WDR70: variants seen among roughly 807,000 people sequenced by gnomAD.
WDR70 encodes WD repeat domain 70.
Under a neutral mutation model 88.6 loss-of-function variants are expected in WDR70, and 53 were observed. That is an observed-to-expected ratio of 0.60 (90% CI 0.48 to 0.75). The LOEUF is 0.75. Ranked by LOEUF, WDR70 falls within the 30% of genes least tolerant of loss-of-function variation. WDR70 has a pLI of 0.00. For synonymous variants in WDR70, 280 were observed against 270.0 expected (o/e 1.04, Z -0.36); for missense variants, 610 against 823.2 (o/e 0.74, Z 3.17).
At chr5:37,426,074 T>A (rs1364703586) in intron 5 of WDR70, among the ~76,000 whole-genome samples, 1 of 152,036 alleles carries the variant, frequency 6.6e-6, no homozygotes, top group African/African-American at 2.4e-5. Flanking sequence ...GCTCTGACAA[T>A]GAACAAGATG....
At chr5:37,564,622 C>T (rs1742682991) in intron 9 of WDR70, among the ~76,000 whole-genome samples, 1 of 128,362 alleles carries the variant, frequency 7.8e-6, no homozygotes, top group Non-Finnish European at 1.8e-5. Flanking sequence ...GCTTAATTCT[C>T]TTATCCATCA....
chr5:37,644,757 T>G (rs1453722636), intron 10 of WDR70, among the ~76,000 whole-genome samples: 1 of 152,012 alleles, frequency 6.6e-6, no homozygotes, highest in Non-Finnish European at 1.5e-5. Context: ...TCCAATTTAT[T>G]ATATAATTGC....
intron 17 of WDR70, among the ~76,000 whole-genome samples, chr5:37,734,896 T>C (rs936615590): frequency 3.9e-5 from 6 of 152,206 alleles, no homozygotes; most frequent in Admixed American, 3.9e-4. Flanking sequence ...CTGGCATCTT[T>C]GATACGACCG....
intron 9 of WDR70, among the ~76,000 whole-genome samples, chr5:37,568,579 T>A (rs1417513264): frequency 1.3e-5 from 2 of 152,202 alleles, no homozygotes; most frequent in Non-Finnish European, 2.9e-5. Flanking sequence ...GATCATGGCA[T>A]GTTTTTTACA....
chr5:37,722,816 G>C (rs1747861306), intron 14 of WDR70, 39 bp from the exon 15 acceptor site: 3 of 1,596,328 alleles, frequency 1.9e-6, no homozygotes, highest in Non-Finnish European at 2.6e-6. Context: ...CTGTTTCTAA[G>C]ACCAAGTAAA....
chr5:37,503,386 A>G (rs1158808996), intron 8 of WDR70, among the ~76,000 whole-genome samples: 1 of 152,090 alleles, frequency 6.6e-6, no homozygotes, highest in Non-Finnish European at 1.5e-5. Flanking sequence ...CCTAGTACCC[A>G]CTAGTTGTAT....
At chr5:37,399,379 C>T (rs1012479690) in intron 5 of WDR70, among the ~76,000 whole-genome samples, 1 of 152,174 alleles carries the variant, frequency 6.6e-6, no homozygotes, top group African/African-American at 2.4e-5. Flanking sequence ...CAAGATTGCA[C>T]CACTGCACTC....
intron 5 of WDR70, among the ~76,000 whole-genome samples, chr5:37,437,045 C>T (rs2112036558): frequency 6.6e-6 from 1 of 152,138 alleles, no homozygotes; most frequent in African/African-American, 2.4e-5. Flanking sequence ...CTTTACTGTC[C>T]CTCAGTTGTT....
intron 10 of WDR70, among the ~76,000 whole-genome samples, chr5:37,670,897 T>A (rs570592185): frequency 1.3e-5 from 2 of 152,198 alleles, no homozygotes; most frequent in South Asian, 4.1e-4. Context: ...TAAATATTAG[T>A]TGAATTTATA....
intron 9 of WDR70, among the ~76,000 whole-genome samples, chr5:37,526,163 T>G (rs1042727992): frequency 1.4e-4 from 21 of 152,166 alleles, no homozygotes; most frequent in African/African-American, 4.6e-4. Context: ...TAGCAAAGCC[T>G]GGCAGAGACA....
At chr5:37,503,996 A>G (rs764524598) in intron 8 of WDR70, among the ~76,000 whole-genome samples, 1 of 152,122 alleles carries the variant, frequency 6.6e-6, no homozygotes, top group Non-Finnish European at 1.5e-5. Context: ...AGTGTTGTAC[A>G]TGAGAGCTTT....
intron 9 of WDR70, among the ~76,000 whole-genome samples, chr5:37,583,378 G>A (rs1306974817): frequency 1.3e-5 from 2 of 148,906 alleles, no homozygotes; most frequent in South Asian, 4.2e-4. Flanking sequence ...CCGAGATGGC[G>A]CCACTGCACT....
chr5:37,474,541 A>G (rs756347573), intron 7 of WDR70, among the ~76,000 whole-genome samples: 1 of 152,092 alleles, frequency 6.6e-6, no homozygotes, highest in Non-Finnish European at 1.5e-5. Context: ...AGATTTCCCC[A>G]TTTGTTATTA....
chr5:37,379,711 T>G (rs1228887707), intron 2 of WDR70, among the ~76,000 whole-genome samples, 157 bp downstream of exon 2: 1 of 151,688 alleles, frequency 6.6e-6, no homozygotes, highest in South Asian at 2.1e-4. Context: ...TCTTCTATTC[T>G]GCGTTATCCG....
intron 9 of WDR70, among the ~76,000 whole-genome samples, chr5:37,554,435 C>G (rs1383894628): frequency 6.6e-6 from 1 of 151,956 alleles, no homozygotes; most frequent in African/African-American, 2.4e-5. Flanking sequence ...GGGGAGGCTT[C>G]ACAATGGAAA....
intron 7 of WDR70, among the ~76,000 whole-genome samples, chr5:37,461,822 T>G (rs573490671): frequency 1.3e-5 from 2 of 152,296 alleles, no homozygotes; most frequent in South Asian, 4.1e-4. Flanking sequence ...GGTTTTTGAC[T>G]ATATATCTTT....
At chr5:37,612,935 T>G (rs1205525883) in intron 10 of WDR70, among the ~76,000 whole-genome samples, 3 of 152,204 alleles carry the variant, frequency 2.0e-5, no homozygotes, top group Non-Finnish European at 2.9e-5. Flanking sequence ...AAAAAGTATA[T>G]CATTGATTCA....
At chr5:37,602,426 G>A (rs1273416613) in intron 9 of WDR70, among the ~76,000 whole-genome samples, 2 of 151,532 alleles carry the variant, frequency 1.3e-5, no homozygotes, top group Non-Finnish European at 2.9e-5. Flanking sequence ...CTGCAACATG[G>A]TGAAACCCTG....
chr5:37,569,122 T>TGA (rs1742828088), intron 9 of WDR70, among the ~76,000 whole-genome samples: 1 of 152,236 alleles, frequency 6.6e-6, no homozygotes, highest in Non-Finnish European at 1.5e-5. Context: ...AGGAGAATTA[T>TGA]GTCAACCTGT....
Sources: allele counts gnomAD v4.1 joint callset (sites outside exome capture counted in the v4.1 genomes callset), GRCh38; gene constraint gnomAD v4.1.1; transcripts MANE v1.5; gene names NCBI Gene and HGNC (gene_info 2026-07-23, HGNC 2026-07-21).